Variants in C5 observed in about 807,000 individuals in gnomAD.
C5 encodes the protein C3 and PZP-like alpha-2-macroglobulin domain-containing protein 4.
A neutral mutation model predicts 218.8 loss-of-function variants in C5; 140 were observed. The ratio of observed to expected loss-of-function variants is 0.64; its 90% CI spans 0.56 to 0.74. The LOEUF (loss-of-function observed/expected upper bound fraction) is 0.74. Among genes scored for constraint, C5 ranks in the 30% least tolerant of loss-of-function variants. C5 has a pLI of 0.00. For synonymous variants in C5, 614 were observed against 682.3 expected, an observed-to-expected ratio of 0.90 and a Z score of 1.56; for missense variants, 1,700 against 1,969.6, an observed-to-expected ratio of 0.86 and a Z score of 2.59.
intron 3 of C5, among the ~76,000 whole-genome samples, chr9:121,041,772 T>C (rs563517338): frequency 6.6e-6 from 1 of 152,322 alleles, no homozygotes; most frequent in African/African-American, 2.4e-5. Flanking sequence ...TTTCTAGGTA[T>C]GATTATGTCT....
At chr9:120,954,246 C>G (rs1428328747) in intron 39 of C5, among the ~76,000 whole-genome samples, 2 of 152,118 alleles carry the variant, frequency 1.3e-5, no homozygotes, top group Non-Finnish European at 2.9e-5. Flanking sequence ...TCTTATATAA[C>G]CAGAATTAAA....
intron 39 of C5, chr9:120,956,902 A>G (rs556723520): frequency 3.5e-6 from 1 of 283,174 alleles, no homozygotes; most frequent in Admixed American, 4.8e-5. Context: ...GAGGATTGAA[A>G]AATTACCTAT....
chr9:120,970,393 AT>A, intron 31 of C5, 142 bp from the exon 32 acceptor site: 1 of 696,926 alleles, frequency 1.4e-6, no homozygotes, highest in Admixed American at 2.1e-5. Flanking sequence ...TTAGTGACTC[AT>A]TTTTCCAGCA....
chr9:121,016,413 T>C (rs377530954), intron 14 of C5, 30 bp from the exon 15 acceptor site: 11 of 1,613,148 alleles, frequency 6.8e-6, no homozygotes, highest in Admixed American at 1.7e-5. Flanking sequence ...GTTGAGCACA[T>C]TGAGATGTAT....
the C5 span, among the ~76,000 whole-genome samples, chr9:121,058,415 G>T: frequency 2.0e-5 from 3 of 152,096 alleles, no homozygotes; most frequent in African/African-American, 7.2e-5. Context: ...ACCTTCTCCA[G>T]ATATATGTGT....
chr9:121,057,130 A>G, the C5 span, among the ~76,000 whole-genome samples: 1 of 152,214 alleles, frequency 6.6e-6, no homozygotes, highest in Non-Finnish European at 1.5e-5. Flanking sequence ...ATCCAGCACA[A>G]TTATTTTTCA....
intron 14 of C5, among the ~76,000 whole-genome samples, chr9:121,016,809 A>G (rs1161908799): frequency 6.6e-6 from 1 of 152,206 alleles, no homozygotes; most frequent in African/African-American, 2.4e-5. Context: ...CCTAGGTTCT[A>G]AATGGCTGAA....
In C5 at chr9:120,989,660, A is replaced by T; in HGVS notation, c.3062T>A (p.Val1021Asp). Residue 1021 changes from valine (V) to aspartate (D), a missense_variant, in exon 24 of 41, where the codon GTT becomes GAT. Physicochemically the swap from Val to Asp is radical, Grantham distance 152 (BLOSUM62 -3). Coordinates refer to ENST00000223642, the MANE Select transcript of C5 (RefSeq NM_001735.3). Reference protein sequence around the residue: ...ELMSVVPVFYVFHYLETGNHW... With the variant: ...ELMSVVPVFYDFHYLETGNHW... Reference sequence around the variant, plus strand: ...ATTTCCTGTTTCCAGGTAGTGAAAAACATAGAATACTGGGACAACGCTCAT... The same window carrying T: ...ATTTCCTGTTTCCAGGTAGTGAAAATCATAGAATACTGGGACAACGCTCAT... The T allele has an allele frequency of 6.2e-7, 1 of 1,613,922 alleles. No homozygotes were observed. Among genetic ancestry groups the T allele is most frequent in the Non-Finnish European group, 8.5e-7 (1 of 1,179,844 alleles).
chr9:121,072,271 TATTA>T, the C5 span, among the ~76,000 whole-genome samples: 1 of 152,166 alleles, frequency 6.6e-6, no homozygotes, highest in African/African-American at 2.4e-5. Context: ...ATTTGATGGC[TATTA>T]ATTGATACTA....
In C5 at chr9:120,962,676, C is replaced by A; in HGVS notation, c.4499G>T (p.Arg1500Ile). 6.2e-7 allele frequency: 1 copy of A among 1,601,926 alleles called. No individual in the cohort carries two copies. Among genetic ancestry groups the A allele is most frequent in the South Asian group, 1.1e-5 (1 of 90,838 alleles). Residue 1500 changes from arginine to isoleucine, a missense_variant, in exon 36 of 41, where the codon AGA becomes ATA. Physicochemically the swap from Arg to Ile is moderately conservative, Grantham distance 97. Coordinates refer to ENST00000223642, the MANE Select transcript of C5 (RefSeq NM_001735.3). ...PATFTVYEYHRPDKQCTMFYS... is the reference protein window; with the variant it reads ...PATFTVYEYHIPDKQCTMFYS... The stretch of plus-strand genomic sequence containing the variant: ...GTTAGCATGGAGTTGATTACCTGGT[C>A]TGTGGTATTCGTACACTGTGAAAGT...
chr9:121,008,384 G>A, intron 18 of C5, 24 bp downstream of exon 18: 2 of 1,561,994 alleles, frequency 1.3e-6, no homozygotes, highest in South Asian at 1.1e-5. Context: ...TTTCTTTCAA[G>A]GAAACATGAA....
In C5 at chr9:121,030,432, C is replaced by A; in HGVS notation, c.723G>T (p.Lys241Asn). Residue 241 changes from lysine (K) to asparagine (N), a missense_variant, in exon 7 of 41, where the codon AAG (lysine) becomes AAT (asparagine). Coordinates refer to ENST00000223642, the MANE Select transcript of C5 (RefSeq NM_001735.3). ...TAGTAATTTCAAAATTCTTAAAGTT[C>A]TTGTAACCAATGAAATTATATTCTG... ...IEPEYNFIGY[K>N]NFKNFEITIK... 1 of 1,539,540 alleles carries A rather than the reference C, an allele frequency of 6.5e-7. No individual in the cohort carries two copies. The highest frequency in any genetic ancestry group is 1.2e-5 in the South Asian group (1 of 81,534).
chr9:120,980,856 C>CA (rs1429107808), intron 27 of C5, among the ~76,000 whole-genome samples: 1 of 152,112 alleles, frequency 6.6e-6, no homozygotes, highest in Non-Finnish European at 1.5e-5. Context: ...CTCGGCCTCC[C>CA]AAGTGCTGGG....
intron 39 of C5, 59 bp from the exon 40 acceptor site, chr9:120,953,927 A>G: frequency 6.3e-7 from 1 of 1,586,416 alleles, no homozygotes. Flanking sequence ...TCACAATTAT[A>G]AACTCTCAAG....
At chr9:121,062,080 T>C in the C5 span, among the ~76,000 whole-genome samples, 1 of 152,324 alleles carries the variant, frequency 6.6e-6, no homozygotes, top group East Asian at 1.9e-4. Flanking sequence ...TTTTTTCTTT[T>C]TTAGCATGCC....
chr9:121,049,137 T>G (rs2047653029), intron 1 of C5, among the ~76,000 whole-genome samples: 1 of 152,214 alleles, frequency 6.6e-6, no homozygotes, highest in African/African-American at 2.4e-5. Flanking sequence ...ATCAACCAAT[T>G]AATTAAAGTG....
At chr9:121,020,329 T>C in intron 11 of C5, 150 bp from the exon 12 acceptor site, 1 of 675,588 alleles carries the variant, frequency 1.5e-6, no homozygotes, top group Non-Finnish European at 2.6e-6. Flanking sequence ...TACTTCAGTG[T>C]TTATACAGCT....
chr9:121,029,687 A>C (rs1438082822), intron 7 of C5, among the ~76,000 whole-genome samples: 1 of 152,182 alleles, frequency 6.6e-6, no homozygotes, highest in Non-Finnish European at 1.5e-5. Flanking sequence ...GGAGGGGTCT[A>C]TTTCCTCTGG....
chr9:120,999,852 A>G, intron 20 of C5: 2 of 435,712 alleles, frequency 4.6e-6, no homozygotes, highest in Non-Finnish European at 9.1e-6. Context: ...GAAAATTTAA[A>G]GATTAAATAA....
Sources: gnomAD v4.1 joint callset for allele counts (sites outside exome capture counted in the v4.1 genomes callset) on GRCh38, gnomAD v4.1.1 for gene constraint, MANE v1.5 for transcripts, NCBI Gene and HGNC (gene_info 2026-07-23, HGNC 2026-07-21) for gene names.